The following UVRAG variants were observed in gnomAD, a reference collection of about 807,000 sequenced individuals.
The protein encoded by UVRAG is UV radiation resistance-associated gene protein.
UVRAG carries 19 observed loss-of-function variants against 78.0 expected under a neutral mutation model. The ratio of observed to expected loss-of-function variants is 0.24; its 90% CI spans 0.17 to 0.36. UVRAG has a LOEUF of 0.36. UVRAG is among the 10% of genes least tolerant of loss of function. The pLI is 1.00. For missense variants in UVRAG, 740 were observed against 853.8 expected, an observed-to-expected ratio of 0.87 and a Z score of 1.66; for synonymous variants, 323 against 324.6, an observed-to-expected ratio of 1.00 and a Z score of 0.05.
At chr11:75,828,796 TATATA>T (rs1450868603) in intron 1 of UVRAG, among the ~76,000 whole-genome samples, 17 of 98,032 alleles carry the variant, frequency 1.7e-4, no homozygotes, top group African/African-American at 4.3e-4. Context: ...TATATATATA[TATATA>T]TATATTTTTT....
chr11:75,927,478 T>C (rs1350618006), intron 6 of UVRAG, among the ~76,000 whole-genome samples: 1 of 152,200 alleles, frequency 6.6e-6, no homozygotes, highest in Non-Finnish European at 1.5e-5. Flanking sequence ...GCTCTTGTTA[T>C]ATACTGAAAA....
chr11:75,938,136 CT>C (rs151146347), intron 6 of UVRAG, among the ~76,000 whole-genome samples: 8,008 of 146,084 alleles, frequency 0.055, 256 homozygotes, highest in African/African-American at 0.093. Context: ...TCATGATTTC[CT>C]TTTTTTTTTG....
chr11:76,070,499 A>G (rs1443089686), intron 13 of UVRAG, among the ~76,000 whole-genome samples: 1 of 152,196 alleles, frequency 6.6e-6, no homozygotes, highest in Admixed American at 6.5e-5. Flanking sequence ...TTTGACTGCT[A>G]TAATCATTTC....
intron 12 of UVRAG, among the ~76,000 whole-genome samples, chr11:76,061,433 T>A (rs1951091372): frequency 6.6e-6 from 1 of 152,088 alleles, no homozygotes; most frequent in East Asian, 1.9e-4. Flanking sequence ...CCCCTTCCAC[T>A]CTGTGGAAGC....
At chr11:76,084,134 A>G (rs189773382) in intron 13 of UVRAG, among the ~76,000 whole-genome samples, 5 of 152,338 alleles carry the variant, frequency 3.3e-5, no homozygotes, top group Non-Finnish European at 7.4e-5. Context: ...GCTTTATAGT[A>G]ATTCCACTCA....
At chr11:76,063,032 T>C (rs1001063808) in intron 12 of UVRAG, among the ~76,000 whole-genome samples, 1 of 152,240 alleles carries the variant, frequency 6.6e-6, no homozygotes, top group Non-Finnish European at 1.5e-5. Flanking sequence ...TTGGTAGTCA[T>C]CGCATAATTC....
chr11:75,827,104 T>C (rs1335104984), intron 1 of UVRAG, among the ~76,000 whole-genome samples: 5 of 152,000 alleles, frequency 3.3e-5, no homozygotes, highest in Middle Eastern at 3.4e-3. Context: ...CTTTTGTCAG[T>C]AGACTCCTGG....
chr11:75,961,226 G>GAGGC (rs200636886), intron 6 of UVRAG, among the ~76,000 whole-genome samples: 1 of 152,138 alleles, frequency 6.6e-6, no homozygotes, highest in Non-Finnish European at 1.5e-5. Flanking sequence ...CAGTACATCA[G>GAGGC]AGGCAGGCAG....
chr11:75,954,912 G>T (rs1948765859), intron 6 of UVRAG, among the ~76,000 whole-genome samples: 3 of 152,190 alleles, frequency 2.0e-5, no homozygotes, highest in Admixed American at 2.0e-4. Flanking sequence ...GGTTGCTTGA[G>T]CTGCCTCTTG....
intron 8 of UVRAG, among the ~76,000 whole-genome samples, chr11:76,003,567 T>G (rs1397670913): frequency 5.9e-5 from 9 of 152,144 alleles, no homozygotes; most frequent in Admixed American, 5.9e-4. Context: ...TAAAAACTCC[T>G]TTATTTATGA....
chr11:75,880,774 C>T lies in UVRAG; in HGVS notation c.432+734C>T, dbSNP rs1168656478. Among the ~76,000 whole-genome samples the T allele has an allele frequency of 2.6e-5, 4 of 151,456 alleles. No homozygotes were observed. In the East Asian group the frequency reaches 5.8e-4, roughly 22 times the overall value. ...TTCTCCATGTTGGCCAGGCTGGTCT[C>T]GAACTCCTGAGCTCAGGTAATACAC... On this transcript the variant is annotated intron_variant, in intron 4 of 14. Coordinates refer to ENST00000356136, the MANE Select transcript of UVRAG (RefSeq NM_003369.4).
At chr11:75,952,652 C>T (rs1385954617) in intron 6 of UVRAG, among the ~76,000 whole-genome samples, 1 of 151,934 alleles carries the variant, frequency 6.6e-6, no homozygotes, top group Non-Finnish European at 1.5e-5. Context: ...GATCCAGTTG[C>T]TTTATCCTTT....
chr11:75,882,858 A>C (rs79920084), intron 4 of UVRAG, among the ~76,000 whole-genome samples: 10,400 of 152,192 alleles, frequency 0.068, 521 homozygotes, highest in African/African-American at 0.14. Context: ...ATGTTCTTTA[A>C]ACTACATTCT....
chr11:75,831,115 G>C (rs933722962), intron 1 of UVRAG, among the ~76,000 whole-genome samples: 4 of 152,208 alleles, frequency 2.6e-5, no homozygotes, highest in Non-Finnish European at 5.9e-5. Flanking sequence ...AATGTTAGCT[G>C]TTGCTACTGT....
At chr11:75,879,505 G>A (rs191071428) in intron 3 of UVRAG, among the ~76,000 whole-genome samples, 3 of 152,290 alleles carry the variant, frequency 2.0e-5, no homozygotes, top group Admixed American at 2.0e-4. Flanking sequence ...GCACAAAACA[G>A]TGTAATTATT....
intron 8 of UVRAG, among the ~76,000 whole-genome samples, chr11:75,991,296 C>T (rs1042633025): frequency 2.0e-5 from 3 of 152,156 alleles, no homozygotes; most frequent in African/African-American, 7.2e-5. Flanking sequence ...TTTTACTGTA[C>T]TTACATTGCC....
intron 13 of UVRAG, among the ~76,000 whole-genome samples, chr11:76,087,315 A>C (rs1951605122): frequency 6.6e-6 from 1 of 152,218 alleles, no homozygotes; most frequent in Non-Finnish European, 1.5e-5. Flanking sequence ...TTGACCGGTG[A>C]GCAGTATGGT....
intron 13 of UVRAG, among the ~76,000 whole-genome samples, chr11:76,100,492 C>T (rs911584620): frequency 6.6e-6 from 1 of 152,120 alleles, no homozygotes; most frequent in Non-Finnish European, 1.5e-5. Flanking sequence ...AGGCCATGTT[C>T]TCCCCATGAA....
chr11:75,845,156 T>A (rs930008367), intron 1 of UVRAG, among the ~76,000 whole-genome samples: 3 of 152,230 alleles, frequency 2.0e-5, no homozygotes, highest in Non-Finnish European at 2.9e-5. Flanking sequence ...TGATTTTGTA[T>A]GTTAGTGAAT....
Sources: gnomAD v4.1 joint callset for allele counts (sites outside exome capture counted in the v4.1 genomes callset) on GRCh38, gnomAD v4.1.1 for gene constraint, MANE v1.5 for transcripts, NCBI Gene and HGNC (gene_info 2026-07-23, HGNC 2026-07-21) for gene names.